The following DNAJC1 variants were observed in gnomAD, a reference collection of about 807,000 sequenced individuals.
DNAJC1 encodes dnaJ homolog subfamily C member 1.
A neutral mutation model predicts 76.6 loss-of-function variants in DNAJC1; 58 were observed. That is an observed-to-expected ratio of 0.76 (90% confidence interval 0.61 to 0.94). The LOEUF is 0.94. Among genes scored for constraint, DNAJC1 ranks in the 40% least tolerant of loss-of-function variants. DNAJC1 has a pLI of 0.00. For synonymous variants in DNAJC1, 258 were observed against 267.9 expected (o/e 0.96, Z 0.36); for missense variants, 689 against 677.3 (o/e 1.02, Z -0.19).
intron 7 of DNAJC1, among the ~76,000 whole-genome samples, chr10:21,900,808 T>C (rs898714669): frequency 1.3e-5 from 2 of 152,194 alleles, no homozygotes; most frequent in Non-Finnish European, 2.9e-5. Flanking sequence ...TCAGAGAGTA[T>C]ATTCCCATCC....
At chr10:21,765,849 A>AG (rs1834294313) in intron 10 of DNAJC1, among the ~76,000 whole-genome samples, 1 of 151,822 alleles carries the variant, frequency 6.6e-6, no homozygotes, top group Non-Finnish European at 1.5e-5. Flanking sequence ...GTCTCAAAAA[A>AG]AAGGAAACAT....
intron 7 of DNAJC1, among the ~76,000 whole-genome samples, chr10:21,893,162 C>G (rs911437004): frequency 4.0e-5 from 6 of 151,862 alleles, no homozygotes; most frequent in Non-Finnish European, 7.4e-5. Context: ...GAATTTAACT[C>G]ATACAGAGTA....
At chr10:21,881,885 T>C (rs1010696381) in intron 8 of DNAJC1, among the ~76,000 whole-genome samples, 2 of 138,530 alleles carry the variant, frequency 1.4e-5, no homozygotes, top group African/African-American at 5.5e-5. Context: ...CCAGGCACGG[T>C]GGCTCACACC....
chr10:21,982,025 C>T (rs1271309907), intron 1 of DNAJC1, among the ~76,000 whole-genome samples: 1 of 152,196 alleles, frequency 6.6e-6, no homozygotes, highest in African/African-American at 2.4e-5. Context: ...TTGGTTTCAC[C>T]AGAGACCCCC....
chr10:21,836,943 G>T (rs1835470550), intron 8 of DNAJC1, among the ~76,000 whole-genome samples: 1 of 152,020 alleles, frequency 6.6e-6, no homozygotes, highest in Admixed American at 6.5e-5. Flanking sequence ...TCTCTCCACG[G>T]TCTCCCTCTG....
intron 1 of DNAJC1, among the ~76,000 whole-genome samples, chr10:21,980,324 G>C (rs778501935): frequency 1.3e-5 from 2 of 152,036 alleles, no homozygotes; most frequent in Non-Finnish European, 2.9e-5. Flanking sequence ...AATGATCAAA[G>C]TTAACATCAT....
intron 8 of DNAJC1, among the ~76,000 whole-genome samples, chr10:21,852,152 T>G (rs1415180249): frequency 1.3e-5 from 2 of 148,202 alleles, no homozygotes; most frequent in Non-Finnish European, 3.0e-5. Context: ...TATTCAGCCA[T>G]AAAAAGATTG....
chr10:21,918,910 T>G (rs374226687), intron 5 of DNAJC1, 38 bp from the exon 6 acceptor site: 32 of 1,428,606 alleles, frequency 2.2e-5, no homozygotes, highest in Middle Eastern at 1.7e-4. Context: ...ATACAACATA[T>G]GAGGAATATA....
At chr10:22,002,991 T>G (rs997394180) in intron 1 of DNAJC1, among the ~76,000 whole-genome samples, 2 of 152,260 alleles carry the variant, frequency 1.3e-5, no homozygotes, top group South Asian at 4.1e-4. Flanking sequence ...CCGTCCAGCC[T>G]GTCACTGGGG....
chr10:21,929,802 T>A (rs926226565), intron 1 of DNAJC1, among the ~76,000 whole-genome samples: 1 of 152,242 alleles, frequency 6.6e-6, no homozygotes, highest in African/African-American at 2.4e-5. Flanking sequence ...AATATTTATG[T>A]ATTACTTGTA....
At chr10:21,947,110 T>C (rs1014196165) in intron 1 of DNAJC1, among the ~76,000 whole-genome samples, 2 of 152,166 alleles carry the variant, frequency 1.3e-5, no homozygotes, top group African/African-American at 4.8e-5. Flanking sequence ...TGGTATTCTG[T>C]CATAGTAAAA....
chr10:21,812,984 G>A (rs1488195976), intron 8 of DNAJC1, among the ~76,000 whole-genome samples: 1 of 149,924 alleles, frequency 6.7e-6, no homozygotes, highest in Admixed American at 6.7e-5. Context: ...GGGATAGGGT[G>A]TGTTTTCCAA....
intron 1 of DNAJC1, among the ~76,000 whole-genome samples, chr10:21,986,273 G>T (rs1035924455): frequency 6.6e-6 from 1 of 152,130 alleles, no homozygotes; most frequent in African/African-American, 2.4e-5. Flanking sequence ...TGCCACCATC[G>T]ATGCATAAGT....
At chr10:21,857,666 T>A (rs1322384637) in intron 8 of DNAJC1, among the ~76,000 whole-genome samples, 2 of 152,108 alleles carry the variant, frequency 1.3e-5, no homozygotes, top group Non-Finnish European at 2.9e-5. Flanking sequence ...ATAAAAGGTA[T>A]GTTTGTTGGT....
chr10:21,864,617 G>C (rs1437556875), intron 8 of DNAJC1, among the ~76,000 whole-genome samples: 1 of 90,644 alleles, frequency 1.1e-5, no homozygotes, highest in Non-Finnish European at 2.1e-5. Flanking sequence ...GTGAGACTCT[G>C]TCTAAAAACA....
chr10:21,817,903 T>A (rs930379903), intron 8 of DNAJC1, among the ~76,000 whole-genome samples: 1 of 152,184 alleles, frequency 6.6e-6, no homozygotes, highest in Non-Finnish European at 1.5e-5. Flanking sequence ...AACCCCGTCA[T>A]TTTCGTAAGC....
At chr10:21,864,332 C>G (rs1399007203) in intron 8 of DNAJC1, among the ~76,000 whole-genome samples, 3 of 151,896 alleles carry the variant, frequency 2.0e-5, no homozygotes, top group Admixed American at 6.6e-5. Context: ...AACTATAAAA[C>G]TTCTAGAGGC....
intron 8 of DNAJC1, among the ~76,000 whole-genome samples, chr10:21,837,127 G>A (rs965493401): frequency 6.6e-6 from 1 of 152,230 alleles, no homozygotes; most frequent in African/African-American, 2.4e-5. Flanking sequence ...TGGCCAGGCT[G>A]GTCTCCAGCT....
At chr10:21,878,248 T>C (rs948092361) in intron 8 of DNAJC1, among the ~76,000 whole-genome samples, 2 of 152,222 alleles carry the variant, frequency 1.3e-5, no homozygotes, top group African/African-American at 2.4e-5. Context: ...ACATTTTCTA[T>C]GCTATGCAAT....
Sources: allele counts gnomAD v4.1 joint callset (sites outside exome capture counted in the v4.1 genomes callset), GRCh38; gene constraint gnomAD v4.1.1; transcripts MANE v1.5; gene names NCBI Gene and HGNC (gene_info 2026-07-23, HGNC 2026-07-21).